The following PATJ variants were observed in gnomAD, a reference collection of about 807,000 sequenced individuals.
The protein encoded by PATJ is inaD-like protein.
A neutral mutation model predicts 224.9 loss-of-function variants in PATJ; 190 were observed. That is an observed-to-expected ratio of 0.84 (90% confidence interval 0.75 to 0.95). The LOEUF is 0.95. PATJ is among the 40% of genes least tolerant of loss of function. The pLI, the probability that PATJ is intolerant of heterozygous loss-of-function variation, is 0.00. For synonymous variants in PATJ, 769 were observed against 820.3 expected (o/e 0.94, Z 1.07); for missense variants, 2,121 against 2,270.3 (o/e 0.93, Z 1.34).
intron 19 of PATJ, among the ~76,000 whole-genome samples, chr1:61,862,895 G>A (rs1664829838): frequency 6.6e-6 from 1 of 151,740 alleles, no homozygotes; most frequent in Non-Finnish European, 1.5e-5. Context: ...GTCTCAAGAT[G>A]ATATATGTTT....
chr1:61,849,878 G>A (rs1299848343), intron 17 of PATJ, among the ~76,000 whole-genome samples: 2 of 152,112 alleles, frequency 1.3e-5, no homozygotes, highest in Non-Finnish European at 2.9e-5. Flanking sequence ...GTTACACCTT[G>A]TGTTTCTTTA....
At chr1:62,153,805 C>A (rs1433350858) in intron 43 of PATJ, among the ~76,000 whole-genome samples, 5 of 152,042 alleles carry the variant, frequency 3.3e-5, no homozygotes, top group African/African-American at 9.7e-5. Context: ...TTGTTCTGAG[C>A]TAGAACAAAA....
At chr1:61,887,321 T>C (rs188633695) in intron 22 of PATJ, among the ~76,000 whole-genome samples, 1 of 152,228 alleles carries the variant, frequency 6.6e-6, no homozygotes, top group East Asian at 1.9e-4. Flanking sequence ...GTAGGTACTT[T>C]TTATAGCTTG....
intron 31 of PATJ, among the ~76,000 whole-genome samples, chr1:62,070,787 A>C (rs1657248140): frequency 6.6e-6 from 1 of 152,212 alleles, no homozygotes; most frequent in South Asian, 2.1e-4. Context: ...CCCAAAAATC[A>C]GTTAGAAAGT....
At chr1:62,128,573 TG>T (rs1665956940) in intron 40 of PATJ, 1 of 424,086 alleles carries the variant, frequency 2.4e-6, no homozygotes, top group Non-Finnish European at 4.3e-6. Context: ...AATGGTTGTA[TG>T]AAACACCACC....
chr1:61,821,114 C>T lies in PATJ; in HGVS notation c.1684-1831C>T, dbSNP rs539012192. ...GGAGTGCAGTGGTGCAACCTCAGCT[C>T]ACTGCAAGCTCCACCTCCCGGGTTT... On this transcript the variant is annotated intron_variant, in intron 14 of 43. Coordinates refer to ENST00000642238, the MANE Select transcript of PATJ (RefSeq NM_001350145.3). Among the ~76,000 whole-genome samples, 3 of 151,452 alleles carry T rather than the reference C, an allele frequency of 2.0e-5. No individual in the cohort carries two copies. In the East Asian group the frequency reaches 5.8e-4, roughly 29 times the overall value.
chr1:61,763,152 G>T lies in PATJ; in HGVS notation c.162G>T (p.Gln54His). 1.9e-6 allele frequency: 3 copies of T among 1,596,666 alleles called. No individual in the cohort carries two copies. The highest frequency in any genetic ancestry group is 2.3e-5 in the South Asian group (2 of 86,950). The change falls in exon 3 of 44, where the codon CAG (glutamine) becomes CAT (histidine). Residue 54 changes from glutamine to histidine, a missense_variant. Coordinates refer to ENST00000642238, the MANE Select transcript of PATJ (RefSeq NM_001350145.3). ...TCTTCAACCAGATACTCACACTTCAGCAGTCCATCAAGCAACTGAAGGGTC... is the reference window on the plus strand; with the variant it reads ...TCTTCAACCAGATACTCACACTTCATCAGTCCATCAAGCAACTGAAGGGTC... ...SPLFNQILTLQQSIKQLKGQL... is the reference protein window; with the variant it reads ...SPLFNQILTLHQSIKQLKGQL...
intron 41 of PATJ, among the ~76,000 whole-genome samples, chr1:62,139,923 C>A (rs1558225394): frequency 1.3e-5 from 2 of 151,982 alleles, no homozygotes; most frequent in Admixed American, 1.3e-4. Flanking sequence ...CCACGCCCAG[C>A]TAATTTTTGT....
intron 19 of PATJ, among the ~76,000 whole-genome samples, chr1:61,862,239 C>G (rs55674136): frequency 0.033 from 5,058 of 152,038 alleles, 128 homozygotes; most frequent in Non-Finnish European, 0.048. Flanking sequence ...CTCTGTCACC[C>G]AAGTTGGAGT....
At chr1:62,148,446 C>T (rs1427341626) in intron 42 of PATJ, 56 bp downstream of exon 42, 4 of 1,269,166 alleles carry the variant, frequency 3.2e-6, no homozygotes, top group Non-Finnish European at 3.5e-6. Flanking sequence ...CTCGGAAGAA[C>T]TTTTCCAGAC....
intron 31 of PATJ, chr1:62,072,900 C>G (rs1657685889): frequency 3.6e-6 from 1 of 280,070 alleles, no homozygotes; most frequent in African/African-American, 2.3e-5. Flanking sequence ...AACTTTTTTG[C>G]CCAGTGTTTT....
intron 39 of PATJ, among the ~76,000 whole-genome samples, chr1:62,127,282 AT>A (rs1043200796): frequency 4.3e-4 from 66 of 152,262 alleles, no homozygotes; most frequent in Non-Finnish European, 6.9e-4. Context: ...TTGTAGAAGT[AT>A]TTTTTTATGA....
At chr1:61,769,875 G>C (rs946381051) in intron 5 of PATJ, among the ~76,000 whole-genome samples, 1 of 152,174 alleles carries the variant, frequency 6.6e-6, no homozygotes, top group East Asian at 1.9e-4. Context: ...CATTTTGGTG[G>C]TCATGTTACT....
chr1:61,897,904 G>C (rs574459894), intron 22 of PATJ, among the ~76,000 whole-genome samples: 2 of 152,234 alleles, frequency 1.3e-5, no homozygotes, highest in Admixed American at 1.3e-4. Context: ...GACTAGCTAA[G>C]GTAAGAAAGA....
chr1:61,799,483 C>T (rs1017327773), intron 11 of PATJ, among the ~76,000 whole-genome samples: 8 of 152,308 alleles, frequency 5.3e-5, no homozygotes, highest in African/African-American at 1.9e-4. Context: ...GCGTGATCCA[C>T]CACGCCTGGC....
At chr1:61,817,994 C>T (rs749696282) in intron 14 of PATJ, among the ~76,000 whole-genome samples, 13 of 152,202 alleles carry the variant, frequency 8.5e-5, no homozygotes, top group South Asian at 4.2e-4. Context: ...CCCATCCCAC[C>T]GACACCTTTT....
At chr1:61,758,690 T>C (rs1451951734) in intron 1 of PATJ, among the ~76,000 whole-genome samples, 2 of 152,172 alleles carry the variant, frequency 1.3e-5, no homozygotes, top group African/African-American at 4.8e-5. Context: ...AATTCAACCT[T>C]GGGACACAAG....
At chr1:62,041,867 A>G (rs1372462951) in intron 30 of PATJ, among the ~76,000 whole-genome samples, 1 of 152,072 alleles carries the variant, frequency 6.6e-6, no homozygotes, top group Non-Finnish European at 1.5e-5. Flanking sequence ...CCTCTCTACT[A>G]AAAAATAGAA....
At chr1:61,873,264 C>T (rs138552883) in intron 20 of PATJ, among the ~76,000 whole-genome samples, 2,248 of 152,186 alleles carry the variant, frequency 0.015, 53 homozygotes, top group African/African-American at 0.052. Flanking sequence ...CCCTCCCAGG[C>T]TCAGGCTATC....
Sources: gnomAD v4.1 joint callset for allele counts (sites outside exome capture counted in the v4.1 genomes callset) on GRCh38, gnomAD v4.1.1 for gene constraint, MANE v1.5 for transcripts, NCBI Gene and HGNC (gene_info 2026-07-23, HGNC 2026-07-21) for gene names.